Variants in SYNJ2 observed in about 807,000 individuals in gnomAD.
SYNJ2 encodes the protein synaptojanin 2, also known as polyphosphatidylinositol phosphatase SYNJ2.
Under a neutral mutation model 141.3 loss-of-function variants are expected in SYNJ2, and 116 were observed. That is an observed-to-expected ratio of 0.82 (90% CI 0.71 to 0.96). The LOEUF (loss-of-function observed/expected upper bound fraction) is 0.96, where lower values mean the gene tolerates loss of function less well. Ranked by LOEUF, SYNJ2 falls within the 40% of genes least tolerant of loss-of-function variation. The probability of loss-of-function intolerance (pLI) is 0.00; values close to 1 mark genes in which losing one functional copy is unlikely to be tolerated. For missense variants in SYNJ2, 1,873 were observed against 1,934.8 expected (o/e 0.97, Z 0.60); for synonymous variants, 745 against 777.7 (o/e 0.96, Z 0.70).
In SYNJ2 at chr6:158,064,120, A is replaced by G. The variant is rs1781404690; in HGVS notation, c.1209+248A>G. ...AAATGCATCCCAGACATGGTGGCCC[A>G]AAGGCTCCTCGGGAACAGCGGTTGT... On this transcript the variant is annotated intron_variant, in intron 9 of 26. Transcript: ENST00000355585. 3.3e-5 allele frequency among the ~76,000 whole-genome samples: 5 copies of G among 152,242 alleles called. No homozygotes were observed. In the South Asian group the frequency reaches 1.0e-3, roughly 31 times the overall value.
chr6:158,063,509 A>C (rs1217613316), intron 8 of SYNJ2, among the ~76,000 whole-genome samples: 7 of 151,954 alleles, frequency 4.6e-5, no homozygotes, highest in Non-Finnish European at 2.9e-5. Flanking sequence ...AAATACAAAA[A>C]TTAGCCGGGT....
rs774235378 is a variant in SYNJ2, at chr6:158,086,851, C to A, written c.3209-4C>A. Reference sequence around the variant, plus strand: ...TTGTACTCATGCCCCGCCATGTCCTCCAGATGACGCGGACCTGGTGGAGCT... The same window carrying A: ...TTGTACTCATGCCCCGCCATGTCCTACAGATGACGCGGACCTGGTGGAGCT... On this transcript the variant is annotated splice_region_variant and splice_polypyrimidine_tract_variant and intron_variant, in intron 22 of 26. Transcript: ENST00000355585. 15 of 1,611,512 alleles carry A rather than the reference C, an allele frequency of 9.3e-6. No individual in the cohort carries two copies. Among genetic ancestry groups the A allele is most frequent in the Non-Finnish European group, 1.3e-5 (15 of 1,180,026 alleles).
At chr6:158,093,435 CA>C (rs1004076513) in intron 26 of SYNJ2, among the ~76,000 whole-genome samples, 30 of 51,528 alleles carry the variant, frequency 5.8e-4, no homozygotes, top group South Asian at 7.3e-4. Context: ...GACTCCACCT[CA>C]AAAAAAAAAA....
chr6:157,991,111 G>A (rs1777407939), intron 1 of SYNJ2, among the ~76,000 whole-genome samples: 1 of 152,200 alleles, frequency 6.6e-6, no homozygotes, highest in Non-Finnish European at 1.5e-5. Context: ...GATGGAGACT[G>A]CCTAGCTTAA....
chr6:158,075,428 G>T (rs1003826138), intron 16 of SYNJ2, among the ~76,000 whole-genome samples: 3 of 151,534 alleles, frequency 2.0e-5, no homozygotes, highest in Non-Finnish European at 4.4e-5. Context: ...ATCACCTGAG[G>T]TCAGGAGTTC....
intron 21 of SYNJ2, 137 bp downstream of exon 21, chr6:158,083,734 G>C: frequency 8.4e-7 from 1 of 1,184,532 alleles, no homozygotes; most frequent in Non-Finnish European, 1.2e-6. Context: ...CCCATGTGAT[G>C]AGCATGTTTG....
chr6:158,032,891 T>A (rs1311210011), intron 3 of SYNJ2, among the ~76,000 whole-genome samples: 2 of 152,228 alleles, frequency 1.3e-5, no homozygotes, highest in Non-Finnish European at 2.9e-5. Flanking sequence ...CATTTTATTT[T>A]CCTCGGATCT....
intron 3 of SYNJ2, 38 bp from the exon 4 acceptor site, chr6:158,033,417 T>A (rs1418418730): frequency 1.2e-6 from 2 of 1,600,418 alleles, no homozygotes; most frequent in Non-Finnish European, 1.7e-6. Context: ...TTGGAGGATG[T>A]CAAGTGACTG....
chr6:158,032,135 T>C (rs1170062338), intron 3 of SYNJ2, among the ~76,000 whole-genome samples: 3 of 151,508 alleles, frequency 2.0e-5, no homozygotes, highest in Non-Finnish European at 4.4e-5. Flanking sequence ...CTGTGCTCCC[T>C]GTGGGGGTGC....
At position 158,066,484 on chromosome 6, in the gene SYNJ2, C is replaced by A. The variant is rs368332107; in HGVS notation, c.1566C>A (p.Ser522=). The A allele has an allele frequency of 1.9e-6, 3 of 1,614,136 alleles. No homozygotes were observed. The highest frequency in any genetic ancestry group is 2.5e-6 in the Non-Finnish European group (3 of 1,180,034). ...TGAAAGCTATGACTGAGCGTCAGTC[C>A]GAATTCACAAATTTCAAGCGGATCC... ...RILKAMTERQ[S]EFTNFKRIRI... is the part of the protein sequence containing the mutation. The change falls in exon 12 of 27, where the codon TCC becomes TCA. Residue 522 remains serine, a synonymous_variant. Coordinates refer to ENST00000355585, the MANE Select transcript of SYNJ2 (RefSeq NM_003898.4).
chr6:158,040,395 A>G lies in SYNJ2; in HGVS notation c.712-2921A>G, dbSNP rs1779882822. Among the ~76,000 whole-genome samples the G allele has an allele frequency of 6.6e-6, 1 of 152,130 alleles. No homozygotes were observed. The highest frequency in any genetic ancestry group is 1.5e-5 in the Non-Finnish European group (1 of 68,012). ...GTCTGCACGCACAGATGTTGTGTAC[A>G]TGTGTAGATAGCATCTCAGCCTCCT... is the stretch of plus-strand genomic sequence containing the variant. On this transcript the variant is annotated intron_variant, in intron 4 of 26. Transcript: ENST00000355585. This position sits in a 1 kb window ranked among gnomAD's most constrained non-coding sequence, Gnocchi z 4.2.
rs752746961 is a variant in SYNJ2, at chr6:158,074,553, A to G, written c.2134-27A>G. On this transcript the variant is annotated intron_variant, in intron 15 of 26. Transcript: ENST00000355585. ...CCACCTTCCTTGCAAGATGGGCTGA[A>G]TGATTATGATTTTCTTTTCAACTTA... 5.6e-6 allele frequency: 9 copies of G among 1,603,682 alleles called. No individual in the cohort carries two copies. The East Asian group carries it at 2.0e-4, about 36-fold the overall frequency.
At chr6:158,093,974 A>ACTGGCAT (rs1303336956) in intron 26 of SYNJ2, 1 of 765,120 alleles carries the variant, frequency 1.3e-6, no homozygotes, top group Non-Finnish European at 2.4e-6. Flanking sequence ...CAGCCCAAAG[A>ACTGGCAT]CTGGCATCTG....
rs1418082909 is a variant in SYNJ2, at chr6:158,074,882, GGTTACA to G, written c.2292+147_2292+152del. 8.0e-6 allele frequency: 8 copies of G among 998,336 alleles called. No homozygotes were observed. In the African/African-American group the frequency reaches 1.2e-4, roughly 14 times the overall value. 61.8% of individuals were successfully genotyped at this position (998,336 alleles called of 1,614,324 possible). On this transcript the variant is annotated intron_variant, in intron 16 of 26. Transcript: ENST00000355585. ...TTGTAGAAAATAGGTGGGCTTGTGA[GGTTACA>G]GTACAGGAGTGGCTGTTCATACACA...
intron 6 of SYNJ2, among the ~76,000 whole-genome samples, chr6:158,058,355 G>A (rs1780998078): frequency 6.6e-6 from 1 of 152,118 alleles, no homozygotes; most frequent in Non-Finnish European, 1.5e-5. Flanking sequence ...GAAATGTAAG[G>A]TTACTTTTAA....
chr6:157,985,064 A>G (rs1199939639), intron 1 of SYNJ2, among the ~76,000 whole-genome samples: 3 of 152,236 alleles, frequency 2.0e-5, no homozygotes, highest in African/African-American at 7.2e-5. Context: ...GCCCCTTCAT[A>G]GCACATTTTA....
chr6:158,017,084 A>G (rs780817622), intron 1 of SYNJ2, 120 bp from the exon 2 acceptor site: 11 of 1,428,052 alleles, frequency 7.7e-6, no homozygotes, highest in East Asian at 5.1e-5. Flanking sequence ...GGGCCGAGCT[A>G]TTGTCTTTGT....
chr6:158,048,445 G>A (rs1232374846), intron 5 of SYNJ2, among the ~76,000 whole-genome samples: 1 of 152,126 alleles, frequency 6.6e-6, no homozygotes, highest in African/African-American at 2.4e-5. Flanking sequence ...AGGTGAGCAG[G>A]GCTGGGTCAA....
chr6:157,983,535 G>A (rs963531049), intron 1 of SYNJ2, among the ~76,000 whole-genome samples: 1 of 152,142 alleles, frequency 6.6e-6, no homozygotes, highest in Non-Finnish European at 1.5e-5. Context: ...GTTGGATTAC[G>A]GCAACATTAA....
Sources: allele counts gnomAD v4.1 joint callset (sites outside exome capture counted in the v4.1 genomes callset), GRCh38; gene constraint gnomAD v4.1.1; non-coding constraint Gnocchi (gnomAD v3.1); transcripts MANE v1.5; gene names NCBI Gene and HGNC (gene_info 2026-07-23, HGNC 2026-07-21).